The following ADCY3 variants were observed in gnomAD, a reference collection of about 807,000 sequenced individuals.
ADCY3 encodes adenylate cyclase type 3.
ADCY3 carries 70 observed loss-of-function variants against 119.4 expected under a neutral mutation model. The ratio of observed to expected loss-of-function variants is 0.59; its 90% CI spans 0.48 to 0.72. The LOEUF (loss-of-function observed/expected upper bound fraction) is 0.72, where lower values mean the gene tolerates loss of function less well. Among genes scored for constraint, ADCY3 ranks in the 30% least tolerant of loss-of-function variants. The pLI, the probability that ADCY3 is intolerant of heterozygous loss-of-function variation, is 0.00. For missense variants in ADCY3, 1,238 were observed against 1,541.6 expected (o/e 0.80, Z 3.30); for synonymous variants, 672 against 621.4 (o/e 1.08, Z -1.21).
intron 2 of ADCY3, among the ~76,000 whole-genome samples, chr2:24,877,633 T>C (rs1332636307): frequency 6.6e-6 from 1 of 152,036 alleles, no homozygotes; most frequent in Non-Finnish European, 1.5e-5. Flanking sequence ...TAAAGAAAGA[T>C]GGGGGTCTCT....
intron 2 of ADCY3, among the ~76,000 whole-genome samples, chr2:24,890,139 G>C (rs1444666911): frequency 2.0e-5 from 3 of 152,130 alleles, no homozygotes; most frequent in Non-Finnish European, 4.4e-5. Flanking sequence ...CCAATTTTAA[G>C]ATGTTAAAAC....
intron 3 of ADCY3, among the ~76,000 whole-genome samples, chr2:24,870,246 G>A (rs946895712): frequency 1.1e-4 from 17 of 150,068 alleles, no homozygotes; most frequent in South Asian, 2.1e-4. Context: ...GCTTGAACCC[G>A]GGAGACGGAG....
intron 18 of ADCY3, 141 bp downstream of exon 18, chr2:24,823,068 G>T: frequency 9.2e-7 from 1 of 1,088,458 alleles, no homozygotes. Context: ...AGTTCCAGGT[G>T]GCTGCAGAAG....
At chr2:24,850,464 T>C (rs1672163056) in intron 3 of ADCY3, among the ~76,000 whole-genome samples, 1 of 152,042 alleles carries the variant, frequency 6.6e-6, no homozygotes, top group Non-Finnish European at 1.5e-5. Flanking sequence ...GGGACAGGAG[T>C]GCAGGGGAGA....
chr2:24,886,680 C>T lies in ADCY3; in HGVS notation c.676-13961G>A, dbSNP rs184615822. ...AGGCCAGTTCTCGCCACTCATCATC[C>T]AGCTCCCAGCAGCGCAAAAGCTCTA... is the stretch of plus-strand genomic sequence containing the variant. On this transcript the variant is annotated intron_variant, in intron 2 of 21. Transcript: ENST00000679454. Among the ~76,000 whole-genome samples the T allele has an allele frequency of 1.4e-3, 218 of 152,338 alleles. 4 individuals are homozygous for T. The highest frequency in any genetic ancestry group is 1.9e-3 in the South Asian group (9 of 4,824).
At chr2:24,826,191 C>A in intron 15 of ADCY3, 65 bp from the exon 16 acceptor site, 1 of 1,436,704 alleles carries the variant, frequency 7.0e-7, no homozygotes, top group Non-Finnish European at 9.7e-7. Flanking sequence ...GCCTGATTCC[C>A]TCCAACTAGA....
In ADCY3 at chr2:24,918,150, G is replaced by C. The variant is rs1664682784; in HGVS notation, c.675+163C>G. Among the ~76,000 whole-genome samples, 1 of 152,220 alleles carries C rather than the reference G, an allele frequency of 6.6e-6. No homozygotes were observed. The highest frequency in any genetic ancestry group is 1.5e-5 in the Non-Finnish European group (1 of 68,038). ...AAGCACAGGCAGACTCCGGGTAATG[G>C]CACAGGGGTGAAAAGGCAGGGACTA... On this transcript the variant is annotated intron_variant, in intron 2 of 21. Transcript: ENST00000679454. This position sits in a 1 kb window ranked among gnomAD's most constrained non-coding sequence, Gnocchi z 5.4.
chr2:24,838,021 T>A (rs999376603), intron 8 of ADCY3, among the ~76,000 whole-genome samples: 7 of 151,184 alleles, frequency 4.6e-5, no homozygotes, highest in Non-Finnish European at 1.0e-4. Context: ...CAGGAAACCT[T>A]CCTGGCCTTG....
intron 2 of ADCY3, among the ~76,000 whole-genome samples, chr2:24,907,124 A>C (rs1259881658): frequency 6.6e-6 from 1 of 152,064 alleles, no homozygotes; most frequent in African/African-American, 2.4e-5. Context: ...ATCTCAAAAA[A>C]ATAAAAATAA....
At chr2:24,839,662 A>G (rs558609232) in intron 7 of ADCY3, among the ~76,000 whole-genome samples, 1 of 152,290 alleles carries the variant, frequency 6.6e-6, no homozygotes, top group South Asian at 2.1e-4. Context: ...GCCACATCCA[A>G]TATCAGGCCC....
rs556322728 is a variant in ADCY3 at position 24,857,418 on chromosome 2, C to T, written c.826-15034G>A. 9.2e-5 allele frequency among the ~76,000 whole-genome samples: 14 copies of T among 152,404 alleles called. No homozygotes were observed. The South Asian group carries it at 2.9e-3, about 32-fold the overall frequency. On this transcript the variant is annotated intron_variant, in intron 3 of 21. Transcript: ENST00000679454. ...AGGGGCAAGCCACCATCCTCTAGAACAGCGCTAATAGAACTTCCTGCAATC... is the reference window on the plus strand; with the variant it reads ...AGGGGCAAGCCACCATCCTCTAGAATAGCGCTAATAGAACTTCCTGCAATC...
At chr2:24,894,877 G>A (rs1422596853) in intron 2 of ADCY3, among the ~76,000 whole-genome samples, 2 of 151,814 alleles carry the variant, frequency 1.3e-5, no homozygotes, top group African/African-American at 4.8e-5. Context: ...ATTTGTGTTG[G>A]GTATAGAATT....
At chr2:24,831,453 ACCACAGCCTG>A (rs1425828835) in intron 12 of ADCY3, among the ~76,000 whole-genome samples, 199 bp downstream of exon 12, 1 of 152,200 alleles carries the variant, frequency 6.6e-6, no homozygotes, top group East Asian at 1.9e-4. Flanking sequence ...GCCGTGGCCC[ACCACAGCCTG>A]CCACAGCCTG....
At chr2:24,896,159 G>A (rs1292741161) in intron 2 of ADCY3, among the ~76,000 whole-genome samples, 1 of 152,150 alleles carries the variant, frequency 6.6e-6, no homozygotes, top group Non-Finnish European at 1.5e-5. Context: ...GCCGAGATGG[G>A]CAGATCATGA....
At chr2:24,895,819 T>C (rs1573015809) in intron 2 of ADCY3, among the ~76,000 whole-genome samples, 1 of 152,026 alleles carries the variant, frequency 6.6e-6, no homozygotes, top group South Asian at 2.1e-4. Flanking sequence ...AGAGACAGGG[T>C]TTCACCATAT....
chr2:24,834,320 C>G lies in ADCY3; in HGVS notation c.1967+165G>C, dbSNP rs921067931. Among the ~76,000 whole-genome samples, 1 of 152,334 alleles carries G rather than the reference C, an allele frequency of 6.6e-6. No individual in the cohort carries two copies. Among genetic ancestry groups the G allele is most frequent in the Non-Finnish European group, 1.5e-5 (1 of 68,028 alleles). Reference sequence around the variant, plus strand: ...GGAAAAGGAAGGATGCCCAGGGTGCCGTCTAGCACTCCTGGGGCCTGTGGG... The same window carrying G: ...GGAAAAGGAAGGATGCCCAGGGTGCGGTCTAGCACTCCTGGGGCCTGTGGG... On this transcript the variant is annotated intron_variant, in intron 11 of 21. Transcript: ENST00000679454. The surrounding 1 kb of genome is among the most constrained non-coding windows in gnomAD (Gnocchi z 4.2).
At chr2:24,905,657 C>T (rs929556467) in intron 2 of ADCY3, among the ~76,000 whole-genome samples, 1 of 152,216 alleles carries the variant, frequency 6.6e-6, no homozygotes, top group East Asian at 1.9e-4. Context: ...CCTGGGGCTG[C>T]TCTTCCCTCC....
intron 2 of ADCY3, among the ~76,000 whole-genome samples, chr2:24,911,442 T>C (rs1389209848): frequency 6.7e-6 from 1 of 150,262 alleles, no homozygotes; most frequent in African/African-American, 2.4e-5. Context: ...AGGTCAGGAG[T>C]TCGAGACCAG....
intron 16 of ADCY3, 141 bp downstream of exon 16, chr2:24,825,904 G>A (rs1668552307): frequency 2.7e-6 from 2 of 745,430 alleles, no homozygotes; most frequent in African/African-American, 1.8e-5. Flanking sequence ...AGAAGGCGGT[G>A]GCCTGACCAG....
Sources: allele counts gnomAD v4.1 joint callset (sites outside exome capture counted in the v4.1 genomes callset), GRCh38; gene constraint gnomAD v4.1.1; non-coding constraint Gnocchi (gnomAD v3.1); transcripts MANE v1.5; gene names NCBI Gene and HGNC (gene_info 2026-07-23, HGNC 2026-07-21).